Variants in ADGRA3 observed in about 807,000 individuals in gnomAD.
ADGRA3 encodes the protein G-protein coupled receptor 125.
A neutral mutation model predicts 119.8 loss-of-function variants in ADGRA3; 56 were observed. The ratio of observed to expected loss-of-function variants is 0.47; its 90% CI spans 0.38 to 0.58. The LOEUF (loss-of-function observed/expected upper bound fraction) is 0.58. Ranked by LOEUF, ADGRA3 falls within the 20% of genes least tolerant of loss-of-function variation. The probability of loss-of-function intolerance (pLI) is 0.00; values close to 1 mark genes in which losing one functional copy is unlikely to be tolerated. For missense variants in ADGRA3, 1,516 were observed against 1,649.0 expected (o/e 0.92, Z 1.40); for synonymous variants, 607 against 623.8 (o/e 0.97, Z 0.40).
At position 22,408,238 on chromosome 4, in the gene ADGRA3, C is replaced by A. The variant is rs537364058; in HGVS notation, c.2232+4944G>T. ...GAACAAAAAAGAAGATCTTCATAATCTTGGGGTAGAAAAATTTCTTAAACA... is the reference window on the plus strand; with the variant it reads ...GAACAAAAAAGAAGATCTTCATAATATTGGGGTAGAAAAATTTCTTAAACA... On this transcript the variant is annotated intron_variant, in intron 14 of 18. Transcript: ENST00000334304. 2.3e-4 allele frequency among the ~76,000 whole-genome samples: 35 copies of A among 151,964 alleles called. 1 individual carries two copies. The highest frequency in any genetic ancestry group is 4.1e-4 in the Non-Finnish European group (28 of 67,950).
chr4:22,414,502 C>T, intron 12 of ADGRA3: 1 of 607,846 alleles, frequency 1.6e-6, no homozygotes, highest in South Asian at 2.0e-5. Flanking sequence ...AAGAAGTGAA[C>T]AATTAACCAT....
At chr4:22,502,188 G>C (rs1719069819) in intron 1 of ADGRA3, among the ~76,000 whole-genome samples, 1 of 152,198 alleles carries the variant, frequency 6.6e-6, no homozygotes, top group Non-Finnish European at 1.5e-5. Context: ...AACCACGTAA[G>C]GGTGAAAGAA....
intron 1 of ADGRA3, among the ~76,000 whole-genome samples, chr4:22,491,058 G>C (rs1204549245): frequency 6.6e-6 from 1 of 152,158 alleles, no homozygotes; most frequent in African/African-American, 2.4e-5. Flanking sequence ...AGACGTTCTG[G>C]GTGTCCAGCT....
chr4:22,476,563 CTCTG>C (rs2109126358), intron 1 of ADGRA3, among the ~76,000 whole-genome samples: 2 of 152,074 alleles, frequency 1.3e-5, no homozygotes, highest in South Asian at 4.1e-4. Context: ...ATATTTCTGA[CTCTG>C]TATAGTCAAA....
rs772026749 is a variant in ADGRA3, at chr4:22,401,521, C to G, written c.2391G>C (p.Met797Ile). The change falls in exon 16 of 19, where the codon ATG becomes ATC. Residue 797 changes from methionine (M) to isoleucine (I), a missense_variant. Met to Ile is a conservative substitution (Grantham distance 10). Around this residue, in one of 2 missense-constraint regions of ADGRA3, gnomAD observed 1,088 missense variants for 1,107.1 expected, o/e 0.98. Coordinates refer to ENST00000334304, the MANE Select transcript of ADGRA3 (RefSeq NM_145290.4). ...AAATATGAAAGCACAAGTTCACAAG[C>G]ATGTGCCAGCTCTTGAGGCTGATTC... is the stretch of plus-strand genomic sequence containing the variant. ...LIRISLKSWH[M>I]LVNLCFHIFL... 1.2e-6 allele frequency: 2 copies of G among 1,609,644 alleles called. No individual in the cohort carries two copies. Among genetic ancestry groups the G allele is most frequent in the East Asian group, 2.2e-5 (1 of 44,766 alleles).
chr4:22,471,740 T>C (rs1311555316), intron 2 of ADGRA3, among the ~76,000 whole-genome samples: 4 of 152,066 alleles, frequency 2.6e-5, no homozygotes, highest in Non-Finnish European at 4.4e-5. Flanking sequence ...TAAAATGGTC[T>C]TTCAAAGTCC....
At chr4:22,439,097 C>A (rs1255166987) in intron 7 of ADGRA3, among the ~76,000 whole-genome samples, 1 of 152,116 alleles carries the variant, frequency 6.6e-6, no homozygotes, top group Non-Finnish European at 1.5e-5. Flanking sequence ...AGTCACATCT[C>A]CCTTCTCACA....
intron 3 of ADGRA3, chr4:22,455,934 T>G: frequency 7.3e-6 from 5 of 688,670 alleles, no homozygotes; most frequent in Non-Finnish European, 1.1e-5. Flanking sequence ...CACTTTGAAT[T>G]CTGACAGAAT....
intron 1 of ADGRA3, among the ~76,000 whole-genome samples, chr4:22,481,173 A>C: frequency 6.6e-6 from 1 of 152,218 alleles, no homozygotes; most frequent in South Asian, 2.1e-4. Context: ...TTTATCAAGT[A>C]CAAGAAAAAG....
intron 3 of ADGRA3, chr4:22,455,973 T>A: frequency 2.4e-6 from 1 of 424,338 alleles, no homozygotes; most frequent in Admixed American, 3.4e-5. Flanking sequence ...AAGTCAAACT[T>A]TCAAAAATAT....
At chr4:22,511,895 CTTT>C (rs5856700) in intron 1 of ADGRA3, among the ~76,000 whole-genome samples, 21 of 102,612 alleles carry the variant, frequency 2.0e-4, no homozygotes, top group Admixed American at 1.9e-3. Flanking sequence ...TTCTTTCTTT[CTTT>C]TTTTTTTTTT....
chr4:22,512,253 T>C (rs1232943824), intron 1 of ADGRA3, among the ~76,000 whole-genome samples: 1 of 151,990 alleles, frequency 6.6e-6, no homozygotes, highest in Non-Finnish European at 1.5e-5. Context: ...TCAATCCCAC[T>C]AGGATTGAGG....
intron 17 of ADGRA3, 100 bp downstream of exon 17, chr4:22,392,445 C>T: frequency 7.0e-7 from 1 of 1,431,564 alleles, no homozygotes; most frequent in Non-Finnish European, 9.7e-7. Context: ...CAAGTCCGTT[C>T]TTTTACTTCC....
At chr4:22,414,497 G>A in intron 12 of ADGRA3, 3 of 596,032 alleles carry the variant, frequency 5.0e-6, no homozygotes, top group Non-Finnish European at 8.8e-6. Context: ...TACCAAAGAA[G>A]TGAACAATTA....
chr4:22,478,561 G>A (rs901714667), intron 1 of ADGRA3, among the ~76,000 whole-genome samples: 26 of 152,216 alleles, frequency 1.7e-4, no homozygotes, highest in Non-Finnish European at 2.9e-5. Flanking sequence ...TAGGGTTATT[G>A]TGGCAGGTTG....
chr4:22,431,015 C>G (rs1243091279), intron 10 of ADGRA3, among the ~76,000 whole-genome samples: 1 of 152,206 alleles, frequency 6.6e-6, no homozygotes, highest in Non-Finnish European at 1.5e-5. Flanking sequence ...AAGTCAAGAA[C>G]TGAGGTTTGG....
At chr4:22,465,866 T>C (rs939534247) in intron 2 of ADGRA3, among the ~76,000 whole-genome samples, 1 of 152,200 alleles carries the variant, frequency 6.6e-6, no homozygotes, top group African/African-American at 2.4e-5. Context: ...GTTGAGTTGC[T>C]GGAGATAACT....
Position 22,497,212 on chromosome 4 carries a change from T to C in ADGRA3, c.257+18316A>G, listed in dbSNP as rs182523746. ...GTAATACAGGCAAAGCCATAGAAGG[T>C]GGGGGGAAATGCAGGCAAGAAAAAT... On this transcript the variant is annotated intron_variant, in intron 1 of 18. Transcript: ENST00000334304. 7.4e-3 allele frequency among the ~76,000 whole-genome samples: 1,124 copies of C among 152,042 alleles called. 7 individuals carry two copies. Among genetic ancestry groups the C allele is most frequent in the Non-Finnish European group, 0.011 (735 of 67,946 alleles).
chr4:22,470,254 C>G (rs1717810644), intron 2 of ADGRA3, among the ~76,000 whole-genome samples: 1 of 150,956 alleles, frequency 6.6e-6, no homozygotes, highest in African/African-American at 2.4e-5. Flanking sequence ...AACTAGCTTC[C>G]AAGACACCAT....
Sources: allele counts gnomAD v4.1 joint callset (sites outside exome capture counted in the v4.1 genomes callset), GRCh38; gene constraint gnomAD v4.1.1; regional missense constraint gnomAD v4.1.1; transcripts MANE v1.5; gene names NCBI Gene and HGNC (gene_info 2026-07-23, HGNC 2026-07-21).